Variants in CDK14 observed in about 807,000 individuals in gnomAD.
CDK14 encodes the protein cyclin dependent kinase 14.
Under a neutral mutation model 60.7 loss-of-function variants are expected in CDK14, and 34 were observed. The observed-to-expected ratio is 0.56, with a 90% CI of 0.43 to 0.75. The LOEUF is 0.75. CDK14 is among the 30% of genes least tolerant of loss of function. CDK14 has a pLI of 0.00. For synonymous variants in CDK14, 197 were observed against 203.7 expected (o/e 0.97, Z 0.28); for missense variants, 482 against 564.1 (o/e 0.85, Z 1.47).
chr7:90,674,306 C>G (rs1420364202), intron 2 of CDK14, among the ~76,000 whole-genome samples: 1 of 152,208 alleles, frequency 6.6e-6, no homozygotes, highest in Non-Finnish European at 1.5e-5. Context: ...TGTTGAACCT[C>G]TAGCTGGTGG....
At chr7:90,891,355 T>C (rs1166167551) in intron 6 of CDK14, among the ~76,000 whole-genome samples, 1 of 152,208 alleles carries the variant, frequency 6.6e-6, no homozygotes, top group Non-Finnish European at 1.5e-5. Flanking sequence ...TTGTAACATA[T>C]CCCATTTTTA....
intron 14 of CDK14, among the ~76,000 whole-genome samples, chr7:91,194,780 G>A (rs1374903659): frequency 6.6e-6 from 1 of 152,168 alleles, no homozygotes; most frequent in East Asian, 1.9e-4. Context: ...GAAATATGTT[G>A]CATTCTTGAT....
rs374772190 is a variant in CDK14 at position 90,925,758 on chromosome 7, C to T, written c.826+8034C>T. Among the ~76,000 whole-genome samples the T allele has an allele frequency of 1.7e-4, 26 of 152,146 alleles. No homozygotes were observed. The East Asian group carries it at 3.5e-3, about 20-fold the overall frequency. ...AGCATTTTGCTCAAAGAATTGAAAG[C>T]GGGAGATGGTGTTACTTTTGAAATC... On this transcript the variant is annotated intron_variant, in intron 8 of 14. Transcript: ENST00000380050.
At chr7:90,688,153 G>A (rs1372241839) in intron 2 of CDK14, among the ~76,000 whole-genome samples, 3 of 152,146 alleles carry the variant, frequency 2.0e-5, no homozygotes, top group Non-Finnish European at 4.4e-5. Context: ...GTTGGACTGT[G>A]GTTATCATAG....
intron 7 of CDK14, among the ~76,000 whole-genome samples, chr7:90,904,578 A>G (rs933559949): frequency 1.5e-4 from 23 of 152,208 alleles, no homozygotes; most frequent in Admixed American, 2.0e-4. Context: ...TACAAAGATG[A>G]AAAATGGGAA....
At chr7:90,831,666 CTA>C (rs1789914636) in intron 5 of CDK14, among the ~76,000 whole-genome samples, 1 of 149,710 alleles carries the variant, frequency 6.7e-6, no homozygotes, top group African/African-American at 2.5e-5. Context: ...TGCTTGGGCT[CTA>C]TTGTTATATT....
At chr7:91,068,915 A>G (rs1798057470) in intron 11 of CDK14, among the ~76,000 whole-genome samples, 1 of 149,472 alleles carries the variant, frequency 6.7e-6, no homozygotes, top group South Asian at 2.1e-4. Flanking sequence ...CCTGGGTTCT[A>G]TGTCATATGC....
chr7:90,604,928 C>T (rs1280955730), intron 2 of CDK14, among the ~76,000 whole-genome samples: 1 of 152,148 alleles, frequency 6.6e-6, no homozygotes, highest in African/African-American at 2.4e-5. Flanking sequence ...TGAAATGTTT[C>T]ATTGTAACCA....
intron 5 of CDK14, among the ~76,000 whole-genome samples, chr7:90,820,275 A>G (rs560665689): frequency 1.3e-5 from 2 of 152,202 alleles, no homozygotes; most frequent in African/African-American, 4.8e-5. Flanking sequence ...GCATCCCACC[A>G]ATCCAAGACC....
chr7:90,820,261 T>C (rs1789498556), intron 5 of CDK14, among the ~76,000 whole-genome samples: 1 of 152,174 alleles, frequency 6.6e-6, no homozygotes, highest in African/African-American at 2.4e-5. Flanking sequence ...TTCTGCTTCC[T>C]TGGGCATCCC....
chr7:90,887,173 A>G (rs770675609), intron 6 of CDK14, among the ~76,000 whole-genome samples: 27 of 152,286 alleles, frequency 1.8e-4, no homozygotes, highest in Admixed American at 1.6e-3. Flanking sequence ...TCTTAACAGT[A>G]TATTTTACTA....
chr7:90,780,051 T>G (rs1033541331), intron 4 of CDK14, among the ~76,000 whole-genome samples: 10 of 152,208 alleles, frequency 6.6e-5, no homozygotes, highest in Non-Finnish European at 7.3e-5. Context: ...TTCCTAATGG[T>G]GTTATTTAAC....
intron 3 of CDK14, among the ~76,000 whole-genome samples, chr7:90,737,004 G>T (rs1226738015): frequency 6.6e-6 from 1 of 152,060 alleles, no homozygotes; most frequent in Non-Finnish European, 1.5e-5. Flanking sequence ...TATTTATAGT[G>T]GTATATTTTA....
intron 2 of CDK14, among the ~76,000 whole-genome samples, chr7:90,656,007 T>C (rs1421801816): frequency 6.6e-6 from 1 of 152,214 alleles, no homozygotes; most frequent in African/African-American, 2.4e-5. Flanking sequence ...CCTGGGGATG[T>C]TATAAAGGTG....
At chr7:91,060,115 A>T (rs1331621660) in intron 11 of CDK14, among the ~76,000 whole-genome samples, 3 of 152,148 alleles carry the variant, frequency 2.0e-5, no homozygotes, top group Non-Finnish European at 4.4e-5. Flanking sequence ...TATTTAGGAT[A>T]GTTAGCTCTT....
rs1802773503 is a variant in CDK14 at position 90,729,373 on chromosome 7, C to CTTTTT, written c.369+2561_369+2562insTTTTT. ...TTTTTTTTTTTTTTTTTTTTTTTTCCCCACTCATCCTAGGCAATGTGACTT... is the reference window on the plus strand; with the variant it reads ...TTTTTTTTTTTTTTTTTTTTTTTTCCTTTTTCCACTCATCCTAGGCAATGTGACTT... On this transcript the variant is annotated intron_variant, in intron 3 of 14. Coordinates refer to ENST00000380050, the MANE Select transcript of CDK14 (RefSeq NM_001287135.2). Among the ~76,000 whole-genome samples, 3 of 7,536 alleles carry CTTTTT rather than the reference C, an allele frequency of 4.0e-4. 1 individual carries two copies. The highest frequency in any genetic ancestry group is 2.2e-3 in the Admixed American group (1 of 462). 4.9% of individuals were successfully genotyped at this position (7,536 alleles called of 152,430 possible). A position where few individuals can be genotyped will look rare whatever the true frequency, so the allele number is the denominator to read the frequency against.
At chr7:90,949,297 G>T (rs917238021) in intron 8 of CDK14, among the ~76,000 whole-genome samples, 17 of 151,998 alleles carry the variant, frequency 1.1e-4, no homozygotes, top group Non-Finnish European at 2.9e-5. Flanking sequence ...CACCTCCGGG[G>T]TTTAAGTGAT....
chr7:90,910,937 C>A (rs1211210268), intron 7 of CDK14, among the ~76,000 whole-genome samples: 1 of 152,122 alleles, frequency 6.6e-6, no homozygotes, highest in East Asian at 1.9e-4. Context: ...TTCCCCCACC[C>A]TCCACCCTCT....
At chr7:90,767,915 C>T (rs17393796) in intron 4 of CDK14, among the ~76,000 whole-genome samples, 20,864 of 152,184 alleles carry the variant, frequency 0.14, 1,685 homozygotes, top group Middle Eastern at 0.24. Flanking sequence ...CATTGATTCT[C>T]TCAACCTGTT....
Sources: gnomAD v4.1 joint callset for allele counts (sites outside exome capture counted in the v4.1 genomes callset) on GRCh38, gnomAD v4.1.1 for gene constraint, MANE v1.5 for transcripts, NCBI Gene and HGNC (gene_info 2026-07-23, HGNC 2026-07-21) for gene names.